SORCS2: variants seen among roughly 807,000 people sequenced by gnomAD.
The protein encoded by SORCS2 is sortilin related VPS10 domain containing receptor 2, also known as VPS10 domain-containing receptor SorCS2.
A neutral mutation model predicts 141.6 loss-of-function variants in SORCS2; 100 were observed. That is an observed-to-expected ratio of 0.71 (90% CI 0.60 to 0.83). The LOEUF (loss-of-function observed/expected upper bound fraction) is 0.83, where lower values mean the gene tolerates loss of function less well. SORCS2 is among the 40% of genes least tolerant of loss of function. The pLI is 0.00. For synonymous variants in SORCS2, 789 were observed against 676.9 expected (o/e 1.17, Z -2.57); for missense variants, 1,646 against 1,560.2 (o/e 1.05, Z -0.93).
In SORCS2 at chr4:7,718,063, G is replaced by C; in HGVS notation, c.2304G>C (p.Gln768His). The change falls in exon 18 of 27, where the codon CAG becomes CAC. Residue 768 changes from glutamine to histidine, a missense_variant. Coordinates refer to ENST00000507866, the MANE Select transcript of SORCS2 (RefSeq NM_020777.3). ...GTGAGGGTGGGGTGGACATGCAGCAGAGTCAGGTGCAGCTGCAGTGCCCCC... is the reference window on the plus strand; with the variant it reads ...GTGAGGGTGGGGTGGACATGCAGCACAGTCAGGTGCAGCTGCAGTGCCCCC... ...NVCEGGVDMQ[Q>H]SQVQLQCPLT... The C allele has an allele frequency of 6.2e-7, 1 of 1,610,848 alleles. No homozygotes were observed. Among genetic ancestry groups the C allele is most frequent in the Non-Finnish European group, 8.5e-7 (1 of 1,178,648 alleles).
intron 3 of SORCS2, among the ~76,000 whole-genome samples, chr4:7,563,984 A>T (rs1714780385): frequency 6.6e-6 from 1 of 152,264 alleles, no homozygotes; most frequent in Non-Finnish European, 1.5e-5. Context: ...AATTTATGTG[A>T]GAACACCTTC....
intron 3 of SORCS2, among the ~76,000 whole-genome samples, chr4:7,581,637 C>CTGGG (rs1716154053): frequency 6.6e-6 from 1 of 152,154 alleles, no homozygotes; most frequent in African/African-American, 2.4e-5. Flanking sequence ...GACAGGAGCC[C>CTGGG]TCACGCAGAT....
chr4:7,197,676 A>G (rs777672558), intron 1 of SORCS2, among the ~76,000 whole-genome samples: 1 of 152,224 alleles, frequency 6.6e-6, no homozygotes, highest in Non-Finnish European at 1.5e-5. Flanking sequence ...GAGTGAATGC[A>G]TTGTGCATGG....
In SORCS2 at chr4:7,703,372, G is replaced by A; in HGVS notation, c.1760+1G>A. 1 of 1,612,038 alleles carries A rather than the reference G, an allele frequency of 6.2e-7. No individual in the cohort carries two copies. The highest frequency in any genetic ancestry group is 8.5e-7 in the Non-Finnish European group (1 of 1,179,160). ...CCTCCATCCCTTTGAAGATCCTCAA[G>A]TAATGGCGTCTGCTAGCCCCGGGGC... On this transcript the variant is annotated splice_donor_variant, in intron 13 of 26. Transcript: ENST00000507866. LOFTEE classifies it high-confidence loss of function.
At chr4:7,560,003 G>A (rs1029684829) in intron 3 of SORCS2, among the ~76,000 whole-genome samples, 41 of 152,302 alleles carry the variant, frequency 2.7e-4, no homozygotes, top group African/African-American at 4.6e-4. Flanking sequence ...GATGTGTGCC[G>A]GTGGCCACCC....
chr4:7,462,128 G>A (rs550670507), intron 2 of SORCS2, among the ~76,000 whole-genome samples: 1 of 152,354 alleles, frequency 6.6e-6, no homozygotes, highest in African/African-American at 2.4e-5. Context: ...CCCGGCCTGT[G>A]TGCTTCGCTC....
intron 2 of SORCS2, among the ~76,000 whole-genome samples, chr4:7,429,406 G>A (rs1178410969): frequency 3.9e-5 from 6 of 152,252 alleles, no homozygotes; most frequent in African/African-American, 1.4e-4. Context: ...AGGGCATTTG[G>A]TGAGGAAGAC....
chr4:7,464,272 G>T (rs900508005), intron 2 of SORCS2, among the ~76,000 whole-genome samples: 14 of 152,230 alleles, frequency 9.2e-5, no homozygotes, highest in African/African-American at 3.1e-4. Flanking sequence ...GCCAGTAGAA[G>T]TCTCCATGGA....
At chr4:7,368,874 T>G (rs1305236330) in intron 1 of SORCS2, among the ~76,000 whole-genome samples, 3 of 152,176 alleles carry the variant, frequency 2.0e-5, no homozygotes, top group African/African-American at 7.2e-5. Context: ...ATTGTTCTCT[T>G]GATAGTGAGA....
rs1213460676 is a variant in SORCS2, at chr4:7,373,493, T to A, written c.481-22795T>A. Among the ~76,000 whole-genome samples the A allele has an allele frequency of 7.4e-5, 8 of 107,642 alleles. 1 individual carries two copies. Among genetic ancestry groups the A allele is most frequent in the African/African-American group, 1.5e-4 (4 of 25,884 alleles). The allele number at this position is 107,642 out of a possible 152,430, so 70.6% of individuals were successfully genotyped here. ...ATATATATATATTTTTTTTTTTTTT[T>A]TTTTTTTTTTTTTGAGTCGGGGTCT... On this transcript the variant is annotated intron_variant, in intron 1 of 26. Transcript: ENST00000507866.
At chr4:7,448,369 A>G (rs1728140708) in intron 2 of SORCS2, among the ~76,000 whole-genome samples, 2 of 151,772 alleles carry the variant, frequency 1.3e-5, no homozygotes, top group African/African-American at 4.8e-5. Flanking sequence ...AGTCCAAGGA[A>G]GGGTTTTGCC....
At chr4:7,666,028 C>T (rs1344604623) in intron 7 of SORCS2, among the ~76,000 whole-genome samples, 4 of 152,014 alleles carry the variant, frequency 2.6e-5, no homozygotes, top group East Asian at 1.9e-4. Context: ...GCGAGGAAAC[C>T]GGGTGTGACT....
At chr4:7,219,869 C>A (rs894461026) in intron 1 of SORCS2, among the ~76,000 whole-genome samples, 5 of 152,232 alleles carry the variant, frequency 3.3e-5, no homozygotes, top group Non-Finnish European at 5.9e-5. Flanking sequence ...ACCTTGCCCG[C>A]AGCAGCCGCA....
chr4:7,266,873 C>A (rs889135588), intron 1 of SORCS2, among the ~76,000 whole-genome samples: 10 of 152,292 alleles, frequency 6.6e-5, no homozygotes, highest in African/African-American at 9.6e-5. Flanking sequence ...CCAGCTCGGC[C>A]CCCTGTCGCC....
At chr4:7,274,025 C>T (rs1249989211) in intron 1 of SORCS2, among the ~76,000 whole-genome samples, 1 of 152,240 alleles carries the variant, frequency 6.6e-6, no homozygotes, top group Non-Finnish European at 1.5e-5. Flanking sequence ...ACATCCCTGA[C>T]TCTAGGTTTG....
chr4:7,274,916 G>A lies in SORCS2; in HGVS notation c.480+81790G>A, dbSNP rs201765042. 5.5e-4 allele frequency among the ~76,000 whole-genome samples: 83 copies of A among 152,232 alleles called. 1 individual carries two copies. The highest frequency in any genetic ancestry group is 1.2e-3 in the Admixed American group (19 of 15,286). On this transcript the variant is annotated intron_variant, in intron 1 of 26. Coordinates refer to ENST00000507866, the MANE Select transcript of SORCS2 (RefSeq NM_020777.3). ...GCTTCCTGGCTCTGACAGCTGCAGC[G>A]CCCATGTCTCCAATGTGGCATGCCC...
At chr4:7,398,321 T>C (rs993244429) in intron 2 of SORCS2, among the ~76,000 whole-genome samples, 4 of 152,142 alleles carry the variant, frequency 2.6e-5, no homozygotes, top group South Asian at 2.1e-4. Context: ...TTCCTTCTGC[T>C]CCAGAGAGCC....
chr4:7,472,755 G>A (rs763767605), intron 2 of SORCS2, among the ~76,000 whole-genome samples: 34 of 152,126 alleles, frequency 2.2e-4, no homozygotes, highest in Non-Finnish European at 4.4e-4. Flanking sequence ...GGTCCCCGCT[G>A]GAGGGGCCTC....
At chr4:7,355,351 T>C (rs1721183669) in intron 1 of SORCS2, among the ~76,000 whole-genome samples, 1 of 152,222 alleles carries the variant, frequency 6.6e-6, no homozygotes, top group Non-Finnish European at 1.5e-5. Flanking sequence ...AGAACCTCTT[T>C]GGACAAATAC....
Sources: allele counts gnomAD v4.1 joint callset (sites outside exome capture counted in the v4.1 genomes callset), GRCh38; gene constraint gnomAD v4.1.1; transcripts MANE v1.5; gene names NCBI Gene and HGNC (gene_info 2026-07-23, HGNC 2026-07-21).